LOXL3: variants seen among roughly 807,000 people sequenced by gnomAD.
The protein encoded by LOXL3 is lysyl oxidase homolog 3.
Under a neutral mutation model 91.8 loss-of-function variants are expected in LOXL3, and 60 were observed. That is an observed-to-expected ratio of 0.65 (90% CI 0.53 to 0.81). The LOEUF is 0.81. Ranked by LOEUF, LOXL3 falls within the 30% of genes least tolerant of loss-of-function variation. The pLI is 0.00. For synonymous variants in LOXL3, 355 were observed against 387.6 expected (o/e 0.92, Z 0.99); for missense variants, 874 against 1,000.4 (o/e 0.87, Z 1.70).
In LOXL3 at chr2:74,549,590, G is replaced by T. The variant is rs778879699; in HGVS notation, c.478-7C>A. The T allele has an allele frequency of 3.8e-6, 6 of 1,599,746 alleles. No individual in the cohort carries two copies. The South Asian group carries it at 6.7e-5, about 18-fold the overall frequency. On this transcript the variant is annotated splice_region_variant and splice_polypyrimidine_tract_variant and intron_variant, in intron 3 of 13. Transcript: ENST00000264094. This position sits in a 1 kb window ranked among gnomAD's most constrained non-coding sequence, Gnocchi z 5.3. ...CTTGCAGGTGATGCTCTACCTGGGG[G>T]CGGGGCCACAAGCAGGGAAAGAATC...
chr2:74,540,820 T>C (rs1213719136), intron 4 of LOXL3, among the ~76,000 whole-genome samples: 1 of 151,030 alleles, frequency 6.6e-6, no homozygotes, highest in Non-Finnish European at 1.5e-5. Flanking sequence ...GTGTGCACCA[T>C]CATGACTGGC....
At chr2:74,542,037 A>G (rs973952370) in intron 4 of LOXL3, among the ~76,000 whole-genome samples, 16 of 151,766 alleles carry the variant, frequency 1.1e-4, no homozygotes, top group African/African-American at 3.9e-4. Flanking sequence ...TTACGCCTGT[A>G]ATCCCAGCAC....
chr2:74,549,681 C>G lies in LOXL3; in HGVS notation c.478-98G>C. 6.8e-7 allele frequency: 1 copy of G among 1,463,884 alleles called. No individual in the cohort carries two copies. The highest frequency in any genetic ancestry group is 1.4e-5 in the South Asian group (1 of 70,124). The allele number at this position is 1,463,884 out of a possible 1,614,324, so 90.7% of individuals were successfully genotyped here. On this transcript the variant is annotated intron_variant, in intron 3 of 13. Coordinates refer to ENST00000264094, the MANE Select transcript of LOXL3 (RefSeq NM_032603.5). This position sits in a 1 kb window ranked among gnomAD's most constrained non-coding sequence, Gnocchi z 5.3. ...CCTGCTTGGTGTGCCTGCTGTAAAC[C>G]CAGTGGCGGGATGGGCCCGAGGCGG...
In LOXL3 at chr2:74,533,639, G is replaced by T. The variant is rs543997570; in HGVS notation, c.2229C>A (p.Arg743=). Residue 743 remains arginine (R), a synonymous_variant, in exon 14 of 14, where the codon CGC becomes CGA. Transcript: ENST00000264094. Reference sequence around the variant, plus strand: ...TCTGGTTGCTGGTCTGGCCAGGGTAGCGTTCAAACCTCCTGTTGGCCTCTT... The same window carrying T: ...TCTGGTTGCTGGTCTGGCCAGGGTATCGTTCAAACCTCCTGTTGGCCTCTT... ...FSEEANRRFE[R]YPGQTSNQII 1.2e-6 allele frequency: 2 copies of T among 1,614,052 alleles called. No homozygotes were observed. Among genetic ancestry groups the T allele is most frequent in the South Asian group, 2.2e-5 (2 of 91,068 alleles).
At chr2:74,539,218 TGGC>T in intron 4 of LOXL3, among the ~76,000 whole-genome samples, 1 of 152,274 alleles carries the variant, frequency 6.6e-6, no homozygotes, top group Non-Finnish European at 1.5e-5. Context: ...GTTACATATG[TGGC>T]GCAGGAAAGG....
Position 74,532,569 on chromosome 2 carries a change from A to G in LOXL3, c.*1037T>C, listed in dbSNP as rs1253122157. On this transcript the variant is annotated 3_prime_UTR_variant, in exon 14 of 14. Transcript: ENST00000264094. ...TGAGAGACTTGAGGTGGAACTCAGGATGGGGAGAATGCCTGGGTTTGGCTA... is the reference window on the plus strand; with the variant it reads ...TGAGAGACTTGAGGTGGAACTCAGGGTGGGGAGAATGCCTGGGTTTGGCTA... 19 of 1,432,244 alleles carry G rather than the reference A, an allele frequency of 1.3e-5. No homozygotes were observed. The highest frequency in any genetic ancestry group is 1.5e-5 in the Non-Finnish European group (15 of 1,018,836). 88.7% of individuals were successfully genotyped at this position (1,432,244 alleles called of 1,614,324 possible). A position where few individuals can be genotyped will look rare whatever the true frequency, so the allele number is the denominator to read the frequency against.
Position 74,549,353 on chromosome 2 carries a change from GC to G in LOXL3, c.692+15del. ...CCAATCCCGGCCTGCTCCGCCCGGC[GC>G]CCGCGGCCCCTCACCTGTAGAAGGC... On this transcript the variant is annotated intron_variant, in intron 4 of 13. Transcript: ENST00000264094. This position sits in a 1 kb window ranked among gnomAD's most constrained non-coding sequence, Gnocchi z 5.3. The G allele has an allele frequency of 6.4e-7, 1 of 1,556,740 alleles. No individual in the cohort carries two copies. Among genetic ancestry groups the G allele is most frequent in the Non-Finnish European group, 8.7e-7 (1 of 1,149,038 alleles).
Position 74,549,955 on chromosome 2 carries a change from C to T in LOXL3, c.477+230G>A. 1.0e-6 allele frequency: 1 copy of T among 985,440 alleles called. No homozygotes were observed. The highest frequency in any genetic ancestry group is 1.2e-6 in the Non-Finnish European group (1 of 829,924). The allele number at this position is 985,440 out of a possible 1,614,324, so 61.0% of individuals were successfully genotyped here. A position where few individuals can be genotyped will look rare whatever the true frequency, so the allele number is the denominator to read the frequency against. On this transcript the variant is annotated intron_variant, in intron 3 of 13. Transcript: ENST00000264094. The surrounding 1 kb of genome is among the most constrained non-coding windows in gnomAD (Gnocchi z 5.3). ...AGAGCACCAGGTGCCCCAGGGGTGA[C>T]TAGGGATGAAGCTGGAGAGGCTCAT...
chr2:74,546,615 T>G (rs1295828123), intron 4 of LOXL3, among the ~76,000 whole-genome samples: 1 of 152,250 alleles, frequency 6.6e-6, no homozygotes, highest in Non-Finnish European at 1.5e-5. Flanking sequence ...GAGGTCTGCA[T>G]AGCTTGTGCC....
chr2:74,550,858 A>G (rs937147598), intron 2 of LOXL3, among the ~76,000 whole-genome samples: 39 of 151,598 alleles, frequency 2.6e-4, no homozygotes, highest in African/African-American at 9.4e-4. Context: ...CTTTCTTCAC[A>G]TCCTTGCATT....
intron 2 of LOXL3, 109 bp from the exon 3 acceptor site, chr2:74,550,457 T>A (rs1352644849): frequency 5.3e-6 from 6 of 1,142,514 alleles, no homozygotes; most frequent in African/African-American, 3.1e-5. Flanking sequence ...GCCATGATGA[T>A]CCCATCTTTC....
At chr2:74,553,354 C>G (rs987342080) in intron 1 of LOXL3, among the ~76,000 whole-genome samples, 1 of 152,222 alleles carries the variant, frequency 6.6e-6, no homozygotes, top group African/African-American at 2.4e-5. Flanking sequence ...CTCCCCAACA[C>G]GCAGGCTCTC....
chr2:74,555,083 C>G, upstream of LOXL3: 1 of 1,528,380 alleles, frequency 6.5e-7, no homozygotes. This position sits in a 1 kb window ranked among gnomAD's most constrained non-coding sequence, Gnocchi z 6.1. Context: ...GCGCCGCAAC[C>G]TCCTTCCCCG....
chr2:74,550,496 G>A, intron 2 of LOXL3, 148 bp from the exon 3 acceptor site: 1 of 841,492 alleles, frequency 1.2e-6, no homozygotes, highest in South Asian at 1.8e-5. Flanking sequence ...AGACGGGACA[G>A]GGGACCCTGG....
chr2:74,553,025 GAC>G, intron 1 of LOXL3: 1 of 206,142 alleles, frequency 4.9e-6, no homozygotes, highest in East Asian at 1.1e-4. Context: ...AAACCAGAAA[GAC>G]ACAGAGGAGA....
chr2:74,552,240 G>T, intron 2 of LOXL3, 82 bp downstream of exon 2: 1 of 1,315,036 alleles, frequency 7.6e-7, no homozygotes, highest in Non-Finnish European at 1.1e-6. Flanking sequence ...TGTCCCTATG[G>T]CTGTGCCATC....
intron 4 of LOXL3, chr2:74,548,980 G>C (rs1278263070): frequency 6.5e-6 from 1 of 153,572 alleles, no homozygotes; most frequent in Non-Finnish European, 1.4e-5. Context: ...GACACACCCA[G>C]GCGCCGCCTC....
In LOXL3 at chr2:74,532,781, T is replaced by C; in HGVS notation, c.*825A>G. ...GTGCATGTGTCCTTGAACTAGGCTT[T>C]GTACTCCTTCCTTTCTCTCTGTCCA... On this transcript the variant is annotated 3_prime_UTR_variant, in exon 14 of 14. Transcript: ENST00000264094. 6.2e-7 allele frequency: 1 copy of C among 1,613,960 alleles called. No homozygotes were observed. The highest frequency in any genetic ancestry group is 8.5e-7 in the Non-Finnish European group (1 of 1,179,878).
chr2:74,553,233 G>A (rs1454425692), intron 1 of LOXL3: 2 of 152,326 alleles, frequency 1.3e-5, no homozygotes, highest in Non-Finnish European at 2.9e-5. Context: ...GGGGCCCTAG[G>A]CGGCCCTGGG....
Sources: gnomAD v4.1 joint callset for allele counts (sites outside exome capture counted in the v4.1 genomes callset) on GRCh38, gnomAD v4.1.1 for gene constraint, Gnocchi (gnomAD v3.1) non-coding constraint, MANE v1.5 for transcripts, NCBI Gene and HGNC (gene_info 2026-07-23, HGNC 2026-07-21) for gene names.